FMNL3: variants seen among roughly 807,000 people sequenced by gnomAD.
FMNL3 encodes the protein formin like 3.
Under a neutral mutation model 119.6 loss-of-function variants are expected in FMNL3, and 57 were observed. That is an observed-to-expected ratio of 0.48 (90% CI 0.39 to 0.59). FMNL3 has a LOEUF of 0.59. FMNL3 is among the 20% of genes least tolerant of loss of function. FMNL3 has a pLI of 0.00. For missense variants in FMNL3, 1,053 were observed against 1,323.5 expected (o/e 0.80, Z 3.17); for synonymous variants, 491 against 507.3 (o/e 0.97, Z 0.43).
chr12:49,668,454 T>C lies in FMNL3; in HGVS notation c.210+17A>G, dbSNP rs541713628. 6.2e-7 allele frequency: 1 copy of C among 1,613,304 alleles called. No individual in the cohort carries two copies. The highest frequency in any genetic ancestry group is 1.3e-5 in the African/African-American group (1 of 75,014). The stretch of plus-strand genomic sequence containing the variant: ...GACACAACTCCCTACCTCCCTCCTC[T>C]TTCCCAAACCCCATACCTGGTCACA... On this transcript the variant is annotated intron_variant, in intron 2 of 25. Transcript: ENST00000335154.
intron 1 of FMNL3, among the ~76,000 whole-genome samples, chr12:49,670,877 C>T (rs1944027429): frequency 6.6e-6 from 1 of 152,168 alleles, no homozygotes; most frequent in Admixed American, 6.5e-5. Context: ...TCTCCTAACT[C>T]AGCCTAACTG....
chr12:49,692,862 G>C (rs1280579087), intron 1 of FMNL3, among the ~76,000 whole-genome samples: 2 of 152,290 alleles, frequency 1.3e-5, no homozygotes, highest in East Asian at 3.9e-4. Flanking sequence ...AGATCTGAGA[G>C]GTGGCATTTT....
chr12:49,654,390 A>G, intron 10 of FMNL3, 88 bp from the exon 11 acceptor site: 1 of 997,726 alleles, frequency 1.0e-6, no homozygotes, highest in Admixed American at 2.0e-5. Flanking sequence ...TTAGAATATC[A>G]TCATCATGTG....
chr12:49,691,837 C>T (rs1009171882), intron 1 of FMNL3, among the ~76,000 whole-genome samples: 4 of 151,882 alleles, frequency 2.6e-5, no homozygotes, highest in African/African-American at 9.7e-5. Context: ...AGTTTGAGAC[C>T]AGCCTGGCCA....
chr12:49,649,078 G>A lies in FMNL3; in HGVS notation c.2466C>T (p.Asp822=), dbSNP rs1476037874. 6.2e-7 allele frequency: 1 copy of A among 1,613,228 alleles called. No homozygotes were observed. The highest frequency in any genetic ancestry group is 1.7e-5 in the Admixed American group (1 of 59,942). The change falls in exon 21 of 26, where the codon GAC becomes GAT. Residue 822 remains aspartate, a synonymous_variant. Transcript: ENST00000335154. This position sits in a 1 kb window ranked among gnomAD's most constrained non-coding sequence, Gnocchi z 5.6. The part of the protein sequence containing the change: ...IALTVKEKYP[D]LANFWHELHF... Reference sequence around the variant, plus strand: ...GCAGCTCATGCCAGAAGTTAGCCAGGTCTGGGTATTTCTCCTTCACTGTCA... The same window carrying A: ...GCAGCTCATGCCAGAAGTTAGCCAGATCTGGGTATTTCTCCTTCACTGTCA...
chr12:49,653,889 G>C lies in FMNL3; in HGVS notation c.1072-15C>G, dbSNP rs1943485234. 6.2e-7 allele frequency: 1 copy of C among 1,613,656 alleles called. No homozygotes were observed. ...TGCCTTGACTTCTGGGGGAAGAGCA[G>C]AGAGTAGGAGTAGTTGTAGGAGCAG... On this transcript the variant is annotated splice_polypyrimidine_tract_variant and intron_variant, in intron 11 of 25. Coordinates refer to ENST00000335154, the MANE Select transcript of FMNL3 (RefSeq NM_175736.5).
intron 1 of FMNL3, among the ~76,000 whole-genome samples, chr12:49,697,204 T>G (rs1305287117): frequency 6.6e-6 from 1 of 152,172 alleles, no homozygotes; most frequent in African/African-American, 2.4e-5. Flanking sequence ...CATCCCAAAC[T>G]GCCACTTGAT....
chr12:49,657,437 C>G (rs1404372655), intron 6 of FMNL3, among the ~76,000 whole-genome samples: 1 of 152,170 alleles, frequency 6.6e-6, no homozygotes, highest in Non-Finnish European at 1.5e-5. Flanking sequence ...TGCCCCAACC[C>G]TAGAGATCCT....
rs2138601280 is a variant in FMNL3 at position 49,639,981 on chromosome 12, A to G, written c.*5834T>C. ...CTTTTAGCCACAGAGTGGCTGGTTG[A>G]TAGGCCTGTAGGGGCCTATCCTCAC... On this transcript the variant is annotated 3_prime_UTR_variant, in exon 26 of 26. Coordinates refer to ENST00000335154, the MANE Select transcript of FMNL3 (RefSeq NM_175736.5). 6.6e-6 allele frequency: 1 copy of G among 152,350 alleles called. No individual in the cohort carries two copies. The highest frequency in any genetic ancestry group is 6.5e-5 in the Admixed American group (1 of 15,300). 9.4% of individuals were successfully genotyped at this position (152,350 alleles called of 1,614,324 possible). A position where few individuals can be genotyped will look rare whatever the true frequency, so the allele number is the denominator to read the frequency against.
chr12:49,659,214 G>C (rs1267400751), intron 5 of FMNL3, among the ~76,000 whole-genome samples: 1 of 152,178 alleles, frequency 6.6e-6, no homozygotes, highest in African/African-American at 2.4e-5. Flanking sequence ...TTAATGACCA[G>C]GTTCTCTATG....
At chr12:49,651,113 G>A (rs1943384644) in intron 16 of FMNL3, 55 bp downstream of exon 16, 1 of 1,592,606 alleles carries the variant, frequency 6.3e-7, no homozygotes. Context: ...CTCCTCAAAA[G>A]GCAACCAGGT....
intron 1 of FMNL3, among the ~76,000 whole-genome samples, chr12:49,699,882 C>T (rs774254595): frequency 1.7e-4 from 26 of 152,136 alleles, no homozygotes; most frequent in Non-Finnish European, 3.2e-4. Flanking sequence ...CACTCAGTAA[C>T]GGTTAGCTTA....
chr12:49,695,199 T>C (rs943469763), intron 1 of FMNL3, among the ~76,000 whole-genome samples: 1 of 152,092 alleles, frequency 6.6e-6, no homozygotes, highest in Non-Finnish European at 1.5e-5. Context: ...ACATTATAGA[T>C]AAAGCTAAAT....
In FMNL3 at chr12:49,649,643, G is replaced by T. The variant is rs759575391; in HGVS notation, c.2235+48C>A. ...GCAGGGGAGGTGACTAGCAGATGGA[G>T]GGTGGAGGGACAGCTGTCCAGAGCC... On this transcript the variant is annotated intron_variant, in intron 18 of 25. Transcript: ENST00000335154. This position sits in a 1 kb window ranked among gnomAD's most constrained non-coding sequence, Gnocchi z 5.6. The T allele has an allele frequency of 4.2e-5, 68 of 1,610,986 alleles. No individual in the cohort carries two copies. The highest frequency in any genetic ancestry group is 5.7e-5 in the Non-Finnish European group (67 of 1,177,336).
In FMNL3 at chr12:49,643,933, G is replaced by A. The variant is rs752705577; in HGVS notation, c.*1882C>T. On this transcript the variant is annotated 3_prime_UTR_variant, in exon 26 of 26. Transcript: ENST00000335154. ...GAGCGATGAGAAAGAACAAGAACAG[G>A]ACAAGGACAGGGAGCTCCAACAGGC... 8.7e-6 allele frequency: 14 copies of A among 1,614,234 alleles called. No homozygotes were observed. The highest frequency in any genetic ancestry group is 1.6e-4 in the Middle Eastern group (1 of 6,062).
At chr12:49,648,892 G>A in intron 21 of FMNL3, 137 bp downstream of exon 21, 2 of 1,344,436 alleles carry the variant, frequency 1.5e-6, no homozygotes, top group Non-Finnish European at 2.0e-6. Context: ...GGCTCCAGCG[G>A]AAAGCTTTGA....
Position 49,645,672 on chromosome 12 carries a change from T to C in FMNL3, c.*143A>G, listed in dbSNP as rs1438332016. The stretch of plus-strand genomic sequence containing the variant: ...GACCTAGTGCCCATAGTGGCACAAG[T>C]AGAAAGATCCAGCCTCAAGAGCTGG... On this transcript the variant is annotated 3_prime_UTR_variant, in exon 26 of 26. Transcript: ENST00000335154. The C allele has an allele frequency of 1.5e-6, 1 of 660,238 alleles. No homozygotes were observed. The highest frequency in any genetic ancestry group is 1.9e-5 in the African/African-American group (1 of 52,736). 40.9% of individuals were successfully genotyped at this position (660,238 alleles called of 1,614,324 possible). A position where few individuals can be genotyped will look rare whatever the true frequency, so the allele number is the denominator to read the frequency against.
chr12:49,695,407 C>G (rs1319664943), intron 1 of FMNL3, among the ~76,000 whole-genome samples: 1 of 152,096 alleles, frequency 6.6e-6, no homozygotes, highest in Non-Finnish European at 1.5e-5. Context: ...AATAAAAAAT[C>G]TAACCAAAAA....
At chr12:49,689,356 C>T (rs1158778232) in intron 1 of FMNL3, among the ~76,000 whole-genome samples, 1 of 152,174 alleles carries the variant, frequency 6.6e-6, no homozygotes, top group African/African-American at 2.4e-5. Context: ...AATGAGAAAA[C>T]TCATGAATGG....
Sources: gnomAD v4.1 joint callset for allele counts (sites outside exome capture counted in the v4.1 genomes callset) on GRCh38, gnomAD v4.1.1 for gene constraint, Gnocchi (gnomAD v3.1) non-coding constraint, MANE v1.5 for transcripts, NCBI Gene and HGNC (gene_info 2026-07-23, HGNC 2026-07-21) for gene names.